Variants in VAT1L observed in about 807,000 individuals in gnomAD.
The protein encoded by VAT1L is putative NADPH-dependent quinone oxidoreductase VAT1L.
In VAT1L, 34 loss-of-function variants were observed where a neutral mutation model predicts 44.1. The observed-to-expected ratio is 0.77, with a 90% CI of 0.59 to 1.03. The LOEUF (loss-of-function observed/expected upper bound fraction) is 1.03. Ranked by LOEUF, VAT1L falls within the 50% of genes least tolerant of loss-of-function variation. The pLI is 0.00. For missense variants in VAT1L, 615 were observed against 538.8 expected, an observed-to-expected ratio of 1.14 and a Z score of -1.40; for synonymous variants, 253 against 202.2, an observed-to-expected ratio of 1.25 and a Z score of -2.13.
rs1037744977 is a variant in VAT1L at position 77,928,780 on chromosome 16, A to T, written c.1078-43070A>T. Among the ~76,000 whole-genome samples, 90 of 151,548 alleles carry T rather than the reference A, an allele frequency of 5.9e-4. 1 individual carries two copies. Among genetic ancestry groups the T allele is most frequent in the African/African-American group, 2.2e-3 (90 of 41,224 alleles). On this transcript the variant is annotated intron_variant, in intron 7 of 8. Transcript: ENST00000302536. Reference sequence around the variant, plus strand: ...GAATTTTTTTTTTAAATGACTGTTGAAGTCTTCTAAGTCACTGTGCCAGTA... The same window carrying T: ...GAATTTTTTTTTTAAATGACTGTTGTAGTCTTCTAAGTCACTGTGCCAGTA...
rs1479748500 is a variant in VAT1L, at chr16:77,879,040, A to G, written c.827-129A>G. 4 of 864,922 alleles carry G rather than the reference A, an allele frequency of 4.6e-6. No individual in the cohort carries two copies. The highest frequency in any genetic ancestry group is 7.4e-6 in the Non-Finnish European group (4 of 540,102). The allele number at this position is 864,922 out of a possible 1,614,324, so 53.6% of individuals were successfully genotyped here. A position where few individuals can be genotyped will look rare whatever the true frequency, so the allele number is the denominator to read the frequency against. On this transcript the variant is annotated intron_variant, in intron 5 of 8. Coordinates refer to ENST00000302536, the MANE Select transcript of VAT1L (RefSeq NM_020927.3). This position sits in a 1 kb window ranked among gnomAD's most constrained non-coding sequence, Gnocchi z 4.1. ...TCATTCTCATTCCCCTCACTTTGCCAAGGCTTAATTAAATTTGTTTTCAAG... is the reference window on the plus strand; with the variant it reads ...TCATTCTCATTCCCCTCACTTTGCCGAGGCTTAATTAAATTTGTTTTCAAG...
intron 7 of VAT1L, among the ~76,000 whole-genome samples, chr16:77,899,489 A>G (rs1417212593): frequency 2.0e-5 from 3 of 152,228 alleles, no homozygotes; most frequent in South Asian, 2.1e-4. Flanking sequence ...TTCAAAGTCT[A>G]TTGCAAGCAG....
intron 7 of VAT1L, among the ~76,000 whole-genome samples, chr16:77,920,823 A>T (rs2017603821): frequency 6.6e-6 from 1 of 152,148 alleles, no homozygotes; most frequent in Non-Finnish European, 1.5e-5. Context: ...GGTAGGCTAT[A>T]CCGTCAAGGT....
chr16:77,938,861 T>G (rs3886157), intron 7 of VAT1L, among the ~76,000 whole-genome samples: 4,541 of 152,216 alleles, frequency 0.03, 133 homozygotes, highest in African/African-American at 0.071. Context: ...AATCATTTTT[T>G]ACTTTATATT....
At chr16:77,839,535 CAAAAAAAAAAAAAAAAAAAA>C (rs71137846) in intron 3 of VAT1L, among the ~76,000 whole-genome samples, 4 of 49,086 alleles carry the variant, frequency 8.1e-5, no homozygotes, top group Non-Finnish European at 1.3e-4. Context: ...TACTCCATAT[CAAAAAAAAAAAAAAAAAAAA>C]AAAAAAAAAA....
intron 7 of VAT1L, among the ~76,000 whole-genome samples, chr16:77,905,034 C>A (rs905232101): frequency 1.3e-5 from 2 of 152,148 alleles, no homozygotes; most frequent in Non-Finnish European, 2.9e-5. Context: ...CCACGCTCAA[C>A]AAGGAGAGAG....
In VAT1L at chr16:77,891,237, C is replaced by T. The variant is rs1341657486; in HGVS notation, c.1077+6435C>T. ...GGCGTGATGGCAGGCGCTTGTAGTC[C>T]CAGCTACTCGGGAGGCTGAGGCAGT... On this transcript the variant is annotated intron_variant, in intron 7 of 8. Coordinates refer to ENST00000302536, the MANE Select transcript of VAT1L (RefSeq NM_020927.3). Among the ~76,000 whole-genome samples, 3 of 152,048 alleles carry T rather than the reference C, an allele frequency of 2.0e-5. No homozygotes were observed. The East Asian group carries it at 5.8e-4, about 29-fold the overall frequency.
chr16:77,825,465 A>G lies in VAT1L; in HGVS notation c.579+4A>G. On this transcript the variant is annotated splice_donor_region_variant and intron_variant, in intron 3 of 8. Transcript: ENST00000302536. ...GCACTCAGCTGGTGGGGGCGTGGTAAGTCAGCTGTTTGTAACTTCTCTTCT... is the reference window on the plus strand; with the variant it reads ...GCACTCAGCTGGTGGGGGCGTGGTAGGTCAGCTGTTTGTAACTTCTCTTCT... 1.3e-6 allele frequency: 2 copies of G among 1,572,230 alleles called. No homozygotes were observed. The highest frequency in any genetic ancestry group is 1.7e-6 in the Non-Finnish European group (2 of 1,157,512).
intron 1 of VAT1L, among the ~76,000 whole-genome samples, chr16:77,813,643 T>C (rs1045240302): frequency 1.3e-5 from 2 of 152,234 alleles, no homozygotes; most frequent in Admixed American, 1.3e-4. Context: ...TATTGGCTTT[T>C]CCACGTATGC....
rs761214794 is a variant in VAT1L, at chr16:77,825,228, G to A, written c.364-18G>A. 12 of 1,613,588 alleles carry A rather than the reference G, an allele frequency of 7.4e-6. No homozygotes were observed. The African/African-American group carries it at 1.5e-4, about 20-fold the overall frequency. ...TCATGAGGTAGCCTCCACTAACTCT[G>A]TGTTTCCCCATGCCCAGATTGGAGA... On this transcript the variant is annotated intron_variant, in intron 2 of 8. Transcript: ENST00000302536.
intron 7 of VAT1L, among the ~76,000 whole-genome samples, chr16:77,950,741 G>A (rs1305358913): frequency 2.0e-5 from 3 of 152,082 alleles, no homozygotes; most frequent in East Asian, 3.9e-4. Context: ...TTAAATTAGT[G>A]AATGTTATAC....
chr16:77,845,121 C>G (rs1044055703), intron 3 of VAT1L, among the ~76,000 whole-genome samples: 3 of 151,216 alleles, frequency 2.0e-5, no homozygotes, highest in Non-Finnish European at 2.9e-5. Context: ...TTGCTAAGAT[C>G]TAGCCTGCTG....
chr16:77,818,541 T>C (rs1232609111), intron 2 of VAT1L, among the ~76,000 whole-genome samples: 1 of 152,194 alleles, frequency 6.6e-6, no homozygotes, highest in African/African-American at 2.4e-5. Flanking sequence ...GAAAAGATCA[T>C]GCAGCTCACT....
chr16:77,825,611 A>G, intron 3 of VAT1L, 150 bp downstream of exon 3: 2 of 932,794 alleles, frequency 2.1e-6, no homozygotes, highest in South Asian at 3.3e-5. Context: ...AAGCCCATAT[A>G]GATGATTGCA....
At chr16:77,815,204 A>G (rs1407525473) in intron 1 of VAT1L, among the ~76,000 whole-genome samples, 1 of 152,238 alleles carries the variant, frequency 6.6e-6, no homozygotes, top group Non-Finnish European at 1.5e-5. Flanking sequence ...TTGAAGTAGG[A>G]TCTTTGGGAG....
Position 77,881,052 on chromosome 16 carries a change from T to TTC in VAT1L, c.882+1828_882+1829insTC, listed in dbSNP as rs1167738215. 7.9e-5 allele frequency among the ~76,000 whole-genome samples: 12 copies of TTC among 152,356 alleles called. No individual in the cohort carries two copies. In the South Asian group the frequency reaches 2.5e-3, roughly 32 times the overall value. ...TTTGCTATTGTGAATAGAATGGCAA[T>TTC]GAACATACGGGTGCATGTGTCCTTT... On this transcript the variant is annotated intron_variant, in intron 6 of 8. Transcript: ENST00000302536.
chr16:77,975,115 G>A (rs1310737795), intron 8 of VAT1L, among the ~76,000 whole-genome samples: 2 of 149,320 alleles, frequency 1.3e-5, no homozygotes, highest in Admixed American at 1.3e-4. Context: ...TCCACAGGAT[G>A]TGTCGCTGTC....
chr16:77,863,591 T>C lies in VAT1L; in HGVS notation c.722+701T>C, dbSNP rs540868376. Among the ~76,000 whole-genome samples, 4 of 151,920 alleles carry C rather than the reference T, an allele frequency of 2.6e-5. No homozygotes were observed. In the South Asian group the frequency reaches 6.2e-4, roughly 24 times the overall value. The stretch of plus-strand genomic sequence containing the variant: ...GTGAAGCATGAGCCAGAATTATCCA[T>C]AGGAAGAAAGGGGCAGGGAGGGGGC... On this transcript the variant is annotated intron_variant, in intron 4 of 8. Coordinates refer to ENST00000302536, the MANE Select transcript of VAT1L (RefSeq NM_020927.3).
chr16:77,942,146 G>A (rs951700838), intron 7 of VAT1L, among the ~76,000 whole-genome samples: 53 of 152,122 alleles, frequency 3.5e-4, no homozygotes, highest in Non-Finnish European at 2.9e-5. Flanking sequence ...GAAGTTTAAT[G>A]GACTCACAGT....
Sources: gnomAD v4.1 joint callset for allele counts (sites outside exome capture counted in the v4.1 genomes callset) on GRCh38, gnomAD v4.1.1 for gene constraint, Gnocchi (gnomAD v3.1) non-coding constraint, MANE v1.5 for transcripts, NCBI Gene and HGNC (gene_info 2026-07-23, HGNC 2026-07-21) for gene names.